HPSE2: variants seen among roughly 807,000 people sequenced by gnomAD.
HPSE2 encodes heparanase 2 (inactive).
A neutral mutation model predicts 60.5 loss-of-function variants in HPSE2; 38 were observed. The ratio of observed to expected loss-of-function variants is 0.63; its 90% CI spans 0.48 to 0.82. The LOEUF (loss-of-function observed/expected upper bound fraction) is 0.82. Ranked by LOEUF, HPSE2 falls within the 40% of genes least tolerant of loss-of-function variation. The probability of loss-of-function intolerance (pLI) is 0.00; values close to 1 mark genes in which losing one functional copy is unlikely to be tolerated. For synonymous variants in HPSE2, 295 were observed against 293.2 expected, an observed-to-expected ratio of 1.01 and a Z score of -0.06; for missense variants, 713 against 740.4, an observed-to-expected ratio of 0.96 and a Z score of 0.43.
At chr10:98,663,269 A>G (rs546715206) in intron 6 of HPSE2, among the ~76,000 whole-genome samples, 1 of 152,204 alleles carries the variant, frequency 6.6e-6, no homozygotes, top group Admixed American at 6.5e-5. Context: ...AATAAGAGAC[A>G]TGGAACTTAT....
intron 3 of HPSE2, among the ~76,000 whole-genome samples, chr10:98,927,734 G>A (rs1468948823): frequency 6.3e-5 from 8 of 126,594 alleles, no homozygotes; most frequent in Admixed American, 5.8e-4. Context: ...ACAAGCAATC[G>A]GGAAAGGATT....
chr10:99,264,176 C>G, the HPSE2 span, among the ~76,000 whole-genome samples: 1 of 147,706 alleles, frequency 6.8e-6, no homozygotes, highest in Non-Finnish European at 1.5e-5. Flanking sequence ...CAAGCTCTGC[C>G]TCCCGGATTC....
intron 8 of HPSE2, among the ~76,000 whole-genome samples, chr10:98,616,966 T>G (rs1191622568): frequency 6.6e-6 from 1 of 152,236 alleles, no homozygotes; most frequent in African/African-American, 2.4e-5. Context: ...ACATGAATTG[T>G]GGGCTAACGC....
At chr10:98,468,013 C>T (rs1047763574) in intron 11 of HPSE2, among the ~76,000 whole-genome samples, 1 of 152,242 alleles carries the variant, frequency 6.6e-6, no homozygotes, top group African/African-American at 2.4e-5. Context: ...TGCCCCCGGC[C>T]GCCAGTCGGG....
At chr10:99,304,445 G>A in the HPSE2 span, among the ~76,000 whole-genome samples, 1 of 152,236 alleles carries the variant, frequency 6.6e-6, no homozygotes, top group Non-Finnish European at 1.5e-5. Context: ...CTGTAACACT[G>A]CTTATTCAAT....
chr10:98,827,961 T>G (rs1163568453), intron 3 of HPSE2, among the ~76,000 whole-genome samples: 1 of 152,216 alleles, frequency 6.6e-6, no homozygotes, highest in Non-Finnish European at 1.5e-5. Flanking sequence ...TGAGTAAACC[T>G]CATCCAATCA....
chr10:98,856,776 T>G lies in HPSE2; in HGVS notation c.611-112720A>C, dbSNP rs1341469200. Among the ~76,000 whole-genome samples, 6 of 152,272 alleles carry G rather than the reference T, an allele frequency of 3.9e-5. No individual in the cohort carries two copies. The East Asian group carries it at 9.7e-4, about 25-fold the overall frequency. Reference sequence around the variant, plus strand: ...AAAAATATGAAAGAGAAATAGAGATTTTTTTCAACTGTTTCCTAGTCACCC... The same window carrying G: ...AAAAATATGAAAGAGAAATAGAGATGTTTTTCAACTGTTTCCTAGTCACCC... On this transcript the variant is annotated intron_variant, in intron 3 of 11. Coordinates refer to ENST00000370552, the MANE Select transcript of HPSE2 (RefSeq NM_021828.5).
the HPSE2 span, among the ~76,000 whole-genome samples, chr10:99,264,704 T>C: frequency 2.0e-5 from 3 of 152,296 alleles, no homozygotes; most frequent in East Asian, 3.9e-4. Context: ...TTCTTTTATT[T>C]GGACCTTGTG....
chr10:98,825,302 G>A lies in HPSE2; in HGVS notation c.611-81246C>T, dbSNP rs577891774. On this transcript the variant is annotated intron_variant, in intron 3 of 11. Coordinates refer to ENST00000370552, the MANE Select transcript of HPSE2 (RefSeq NM_021828.5). ...ATGAAAGAAAGGAAGAAAGAGTGTA[G>A]AGCCAAAATGTGATAAACAAAGGCT... 2.0e-5 allele frequency among the ~76,000 whole-genome samples: 3 copies of A among 152,198 alleles called. No individual in the cohort carries two copies. In the South Asian group the frequency reaches 6.2e-4, roughly 32 times the overall value.
At chr10:98,655,334 G>A (rs1001928055) in intron 6 of HPSE2, among the ~76,000 whole-genome samples, 2 of 152,102 alleles carry the variant, frequency 1.3e-5, no homozygotes, top group Admixed American at 1.3e-4. Context: ...CAAAAGTGTG[G>A]AGCCAAAGAC....
In HPSE2 at chr10:98,742,537, A is replaced by G. The variant is rs116259307; in HGVS notation, c.784+1346T>C. Among the ~76,000 whole-genome samples, 874 of 152,270 alleles carry G rather than the reference A, an allele frequency of 5.7e-3. 5 individuals are homozygous for G. The highest frequency in any genetic ancestry group is 0.02 in the African/African-American group (830 of 41,554). ...TTGTTCGATTCAATTGTTTTGTTCT[A>G]AAGTATACCAAAAGGTCTTTTAATT... is the stretch of plus-strand genomic sequence containing the variant. On this transcript the variant is annotated intron_variant, in intron 4 of 11. Coordinates refer to ENST00000370552, the MANE Select transcript of HPSE2 (RefSeq NM_021828.5).
Position 99,065,348 on chromosome 10 carries a change from T to C in HPSE2, c.610+78890A>G, listed in dbSNP as rs1423789105. Among the ~76,000 whole-genome samples the C allele has an allele frequency of 2.0e-5, 3 of 152,188 alleles. No individual in the cohort carries two copies. In the East Asian group the frequency reaches 5.8e-4, roughly 29 times the overall value. On this transcript the variant is annotated intron_variant, in intron 3 of 11. Coordinates refer to ENST00000370552, the MANE Select transcript of HPSE2 (RefSeq NM_021828.5). ...GCACCCAGTTTGCCTTTGGTGCTGC[T>C]TTCCAAGATATCCATCTCCCTCCCA...
chr10:99,184,813 T>TAC lies in HPSE2; in HGVS notation c.449-40415_449-40414insGT, dbSNP rs1425325095. Reference sequence around the variant, plus strand: ...ATATATATATATATATATATATATATATATATAGAGAGAGAGAGAGAGAGA... The same window carrying TAC: ...ATATATATATATATATATATATATATACATATATAGAGAGAGAGAGAGAGAGA... On this transcript the variant is annotated intron_variant, in intron 2 of 11. Coordinates refer to ENST00000370552, the MANE Select transcript of HPSE2 (RefSeq NM_021828.5). 5.9e-3 allele frequency among the ~76,000 whole-genome samples: 184 copies of TAC among 30,966 alleles called. 34 individuals are homozygous for TAC. The highest frequency in any genetic ancestry group is 0.026 in the South Asian group (15 of 570). 20.3% of individuals were successfully genotyped at this position (30,966 alleles called of 152,430 possible). A position where few individuals can be genotyped will look rare whatever the true frequency, so the allele number is the denominator to read the frequency against.
At chr10:98,677,085 C>T (rs1055845276) in intron 6 of HPSE2, among the ~76,000 whole-genome samples, 6 of 152,190 alleles carry the variant, frequency 3.9e-5, no homozygotes, top group Non-Finnish European at 5.9e-5. Context: ...GCACCTCTCC[C>T]TTTCTACCAT....
intron 2 of HPSE2, among the ~76,000 whole-genome samples, chr10:99,156,415 C>A (rs1589746822): frequency 7.2e-6 from 1 of 139,228 alleles, no homozygotes; most frequent in African/African-American, 2.5e-5. Context: ...ATCAAGTGGG[C>A]TTCATCCCTG....
chr10:99,184,819 T>TAGAGAGAGAGAG (rs1177556672), intron 2 of HPSE2, among the ~76,000 whole-genome samples: 1 of 19,868 alleles, frequency 5.0e-5, no homozygotes, highest in Non-Finnish European at 9.9e-5. Flanking sequence ...TATATATATA[T>TAGAGAGAGAGAG]AGAGAGAGAG....
At chr10:99,299,633 T>G in the HPSE2 span, among the ~76,000 whole-genome samples, 1 of 152,118 alleles carries the variant, frequency 6.6e-6, no homozygotes, top group Admixed American at 6.6e-5. Context: ...TGGGAAGAGA[T>G]GCAGCTCCAG....
chr10:99,248,956 G>C, the HPSE2 span, among the ~76,000 whole-genome samples: 1 of 152,218 alleles, frequency 6.6e-6, no homozygotes, highest in African/African-American at 2.4e-5. Context: ...GAGGGCAAGA[G>C]CTGAGGCTTG....
intron 2 of HPSE2, among the ~76,000 whole-genome samples, chr10:99,223,717 T>C (rs2133935145): frequency 6.6e-6 from 1 of 152,318 alleles, no homozygotes; most frequent in African/African-American, 2.4e-5. Context: ...GCAGTGTATT[T>C]TTATTGTAAA....
Sources: gnomAD v4.1 joint callset for allele counts (sites outside exome capture counted in the v4.1 genomes callset) on GRCh38, gnomAD v4.1.1 for gene constraint, MANE v1.5 for transcripts, NCBI Gene and HGNC (gene_info 2026-07-23, HGNC 2026-07-21) for gene names.